MCCC1: variants seen among roughly 807,000 people sequenced by gnomAD.
MCCC1 encodes methylcrotonoyl-CoA carboxylase subunit alpha, mitochondrial.
Under a neutral mutation model 83.8 loss-of-function variants are expected in MCCC1, and 64 were observed. That is an observed-to-expected ratio of 0.76 (90% CI 0.62 to 0.94). The LOEUF (loss-of-function observed/expected upper bound fraction) is 0.94, where lower values mean the gene tolerates loss of function less well. MCCC1 is among the 40% of genes least tolerant of loss of function. The pLI is 0.00. For synonymous variants in MCCC1, 322 were observed against 315.4 expected, an observed-to-expected ratio of 1.02 and a Z score of -0.22; for missense variants, 807 against 904.7, an observed-to-expected ratio of 0.89 and a Z score of 1.39.
At chr3:183,065,990 G>A (rs186438418) in intron 7 of MCCC1, among the ~76,000 whole-genome samples, 13 of 152,252 alleles carry the variant, frequency 8.5e-5, no homozygotes, top group African/African-American at 3.1e-4. Context: ...TTATGTAAAG[G>A]TGAAATTTGG....
chr3:183,036,022 T>C (rs1388851718), intron 13 of MCCC1, among the ~76,000 whole-genome samples: 2 of 108,070 alleles, frequency 1.9e-5, no homozygotes, highest in Non-Finnish European at 3.4e-5. Context: ...TTCCCCACCC[T>C]GTGTCCAAGT....
intron 9 of MCCC1, among the ~76,000 whole-genome samples, chr3:183,048,018 A>C (rs1466144632): frequency 6.6e-6 from 1 of 152,244 alleles, no homozygotes; most frequent in Admixed American, 6.5e-5. Flanking sequence ...AATGCATTGT[A>C]CTATGATGTT....
At chr3:183,045,567 T>C (rs201357145) in intron 9 of MCCC1, 27 bp from the exon 10 acceptor site, 1 of 1,612,300 alleles carries the variant, frequency 6.2e-7, no homozygotes, top group Non-Finnish European at 8.5e-7. Context: ...AATGGTCATA[T>C]TCAATAGTGT....
chr3:183,099,430 G>A lies in MCCC1; in HGVS notation c.11C>T (p.Ala4Val). 1 of 1,605,240 alleles carries A rather than the reference G, an allele frequency of 6.2e-7. No individual in the cohort carries two copies. MAA[A>V]SAVSVLLVAA... is the part of the protein sequence containing the mutation. ...CACCAGCAGCACCGACACCGCAGAG[G>A]CCGCCGCCATGTCCCTGGAGCCCGG... The change falls in exon 1 of 19, where the codon GCC becomes GTC. Residue 4 changes from alanine to valine, a missense_variant. Physicochemically the swap from Ala to Val is moderately conservative, Grantham distance 64. Transcript: ENST00000265594.
chr3:183,059,890 T>G (rs1715697115), intron 7 of MCCC1, among the ~76,000 whole-genome samples: 1 of 152,198 alleles, frequency 6.6e-6, no homozygotes, highest in Non-Finnish European at 1.5e-5. Context: ...TCCTTCCTTG[T>G]GGCTTCTTTC....
intron 1 of MCCC1, among the ~76,000 whole-genome samples, chr3:183,114,019 A>G (rs1719547666): frequency 6.6e-6 from 1 of 152,166 alleles, no homozygotes; most frequent in South Asian, 2.1e-4. Flanking sequence ...GACAAACTCC[A>G]TCTTGGCTCT....
rs768783764 is a variant in MCCC1 at position 183,017,386 on chromosome 3, GA to G, written c.1978-50del. On this transcript the variant is annotated intron_variant, in intron 17 of 18. Coordinates refer to ENST00000265594, the MANE Select transcript of MCCC1 (RefSeq NM_020166.5). ...AATATTTGAAAACACAGAGGTCCTA[GA>G]TATGTTCATCTGCTTCATTATAGTA... 10 of 1,571,302 alleles carry G rather than the reference GA, an allele frequency of 6.4e-6. 1 individual carries two copies. The highest frequency in any genetic ancestry group is 3.4e-4 in the Middle Eastern group (2 of 5,968).
chr3:183,108,913 G>A (rs1346931711), intron 1 of MCCC1, among the ~76,000 whole-genome samples: 1 of 152,180 alleles, frequency 6.6e-6, no homozygotes, highest in Non-Finnish European at 1.5e-5. Context: ...GAAGGACTTT[G>A]ATATGCTGGG....
upstream of MCCC1, among the ~76,000 whole-genome samples, chr3:183,102,522 T>C (rs752201915): frequency 3.2e-4 from 48 of 152,206 alleles, no homozygotes; most frequent in Middle Eastern, 6.8e-3. Flanking sequence ...GAAAAACTTA[T>C]ATTCACAGAG....
At position 183,020,181 on chromosome 3, in the gene MCCC1, T is replaced by G. The variant is rs1712032779; in HGVS notation, c.1926A>C (p.Ser642=). Residue 642 remains serine (S), a synonymous_variant, in exon 17 of 19, where the codon TCA becomes TCC. Transcript: ENST00000265594. ...PVPKYLSSVS[S]QETQGGPLAP... ...CTAAGGGGCCGCCCTGAGTTTCTTG[T>G]GAGCTCACAGAAGATAAGTATTTGG... 6.2e-7 allele frequency: 1 copy of G among 1,614,034 alleles called. No individual in the cohort carries two copies. Among genetic ancestry groups the G allele is most frequent in the African/African-American group, 1.3e-5 (1 of 74,940 alleles).
intron 14 of MCCC1, among the ~76,000 whole-genome samples, chr3:183,032,741 G>A (rs1157687042): frequency 3.3e-5 from 5 of 152,112 alleles, no homozygotes; most frequent in Non-Finnish European, 7.3e-5. Context: ...GGGCGTGGTG[G>A]TGGGTGCCTG....
At chr3:183,052,052 CA>C in intron 9 of MCCC1, 106 bp downstream of exon 9, 1 of 1,013,128 alleles carries the variant, frequency 9.9e-7, no homozygotes, top group Non-Finnish European at 1.5e-6. Flanking sequence ...TGAATATGGT[CA>C]AAACAGCTTG....
chr3:183,088,211 T>TGTG (rs1491209568), intron 3 of MCCC1, among the ~76,000 whole-genome samples: 1 of 126,662 alleles, frequency 7.9e-6, no homozygotes, highest in African/African-American at 2.9e-5. Context: ...TTGTTGTGTG[T>TGTG]TTTTTTTTTT....
intron 14 of MCCC1, among the ~76,000 whole-genome samples, chr3:183,030,319 C>T (rs1054458580): frequency 3.3e-5 from 5 of 152,120 alleles, no homozygotes; most frequent in African/African-American, 1.2e-4. Flanking sequence ...CAAAACAAAA[C>T]ACAAAAAACC....
chr3:183,038,229 G>A (rs188119202), intron 12 of MCCC1, among the ~76,000 whole-genome samples: 154 of 152,284 alleles, frequency 1.0e-3, no homozygotes, highest in African/African-American at 3.6e-3. Flanking sequence ...GAAAATGAAG[G>A]CTGGCTAAGA....
chr3:183,035,890 A>T (rs1713541009), intron 13 of MCCC1, among the ~76,000 whole-genome samples: 1 of 151,746 alleles, frequency 6.6e-6, no homozygotes, highest in Admixed American at 6.6e-5. Context: ...GGTTTGTTAC[A>T]TATGTATACA....
At chr3:183,021,045 G>A (rs1712126374) in intron 16 of MCCC1, among the ~76,000 whole-genome samples, 1 of 152,154 alleles carries the variant, frequency 6.6e-6, no homozygotes, top group Non-Finnish European at 1.5e-5. Context: ...GGACAACAGA[G>A]CAAGACTCCA....
chr3:183,076,396 A>G (rs1717077659), intron 4 of MCCC1, among the ~76,000 whole-genome samples: 2 of 152,186 alleles, frequency 1.3e-5, no homozygotes, highest in South Asian at 4.1e-4. Flanking sequence ...ATTCTGTTAT[A>G]TGGATATACC....
At chr3:183,089,790 A>G (rs1388252474) in intron 3 of MCCC1, among the ~76,000 whole-genome samples, 1 of 152,214 alleles carries the variant, frequency 6.6e-6, no homozygotes, top group African/African-American at 2.4e-5. Context: ...TAGATCTCTG[A>G]CATTATTGTT....
Sources: allele counts gnomAD v4.1 joint callset (sites outside exome capture counted in the v4.1 genomes callset), GRCh38; gene constraint gnomAD v4.1.1; transcripts MANE v1.5; gene names NCBI Gene and HGNC (gene_info 2026-07-23, HGNC 2026-07-21).